The following HFM1 variants were observed in gnomAD, a reference collection of about 807,000 sequenced individuals.
HFM1 encodes the protein probable ATP-dependent DNA helicase HFM1.
A neutral mutation model predicts 192.1 loss-of-function variants in HFM1; 169 were observed. That is an observed-to-expected ratio of 0.88 (90% confidence interval 0.78 to 1.00). The LOEUF is 1.00. Ranked by LOEUF, HFM1 falls within the 50% of genes least tolerant of loss-of-function variation. HFM1 has a pLI of 0.00. For missense variants in HFM1, 1,661 were observed against 1,668.0 expected, an observed-to-expected ratio of 1.00 and a Z score of 0.07; for synonymous variants, 525 against 537.8, an observed-to-expected ratio of 0.98 and a Z score of 0.33.
chr1:91,305,342 T>G (rs72726281), intron 30 of HFM1, among the ~76,000 whole-genome samples: 2,645 of 152,292 alleles, frequency 0.017, 25 homozygotes, highest in Non-Finnish European at 0.025. Context: ...TTTAATTTAT[T>G]TCAATGGTGT....
chr1:91,352,430 T>A, intron 16 of HFM1, 76 bp downstream of exon 16: 1 of 1,095,204 alleles, frequency 9.1e-7, no homozygotes, highest in Admixed American at 2.4e-5. Context: ...AATTATGACA[T>A]GCTAATCAAA....
In HFM1 at chr1:91,277,059, G is replaced by T; in HGVS notation, c.3395C>A (p.Thr1132Lys). 6.4e-7 allele frequency: 1 copy of T among 1,570,930 alleles called. No homozygotes were observed. Among genetic ancestry groups the T allele is most frequent in the Non-Finnish European group, 8.7e-7 (1 of 1,151,160 alleles). The change falls in exon 31 of 39, where the codon ACG becomes AAG. Residue 1132 changes from threonine to lysine, a missense_variant. Thr to Lys is a moderately conservative substitution (Grantham distance 78). Coordinates refer to ENST00000370425, the MANE Select transcript of HFM1 (RefSeq NM_001017975.6). ...ISTIAGPNKGTTASKKPGNRE... is the reference protein window; with the variant it reads ...ISTIAGPNKGKTASKKPGNRE... ...GTTCCCAGGTTTTTTGCTGGCAGTC[G>T]TTCCTAAATTAATATAAGAAAAACA...
chr1:91,329,792 G>T (rs1207790326), intron 20 of HFM1, among the ~76,000 whole-genome samples: 4 of 152,188 alleles, frequency 2.6e-5, no homozygotes, highest in African/African-American at 9.6e-5. Context: ...ATTGTTACAT[G>T]AAAGTGATAG....
At chr1:91,352,793 A>G (rs1657132981) in intron 15 of HFM1, 142 bp from the exon 16 acceptor site, 1 of 673,310 alleles carries the variant, frequency 1.5e-6, no homozygotes, top group African/African-American at 1.9e-5. Context: ...ATTACAATCT[A>G]AAATAGTAAC....
upstream of HFM1, among the ~76,000 whole-genome samples, chr1:91,407,757 A>G (rs1571268695): frequency 2.0e-5 from 3 of 152,320 alleles, no homozygotes; most frequent in Admixed American, 2.0e-4. Flanking sequence ...CCTGCTTTCA[A>G]TTCCTTTGGA....
At chr1:91,273,862 T>C in intron 33 of HFM1, 47 bp from the exon 34 acceptor site, 1 of 1,013,932 alleles carries the variant, frequency 9.9e-7, no homozygotes, top group Non-Finnish European at 1.5e-6. Context: ...ATATGGAAAT[T>C]AATCTAAGCC....
In HFM1 at chr1:91,264,522, G is replaced by A. The variant is rs566005209; in HGVS notation, c.3974+1495C>T. On this transcript the variant is annotated intron_variant, in intron 36 of 38. Coordinates refer to ENST00000370425, the MANE Select transcript of HFM1 (RefSeq NM_001017975.6). ...CGAGTAGCTGGGACTACAGGCGCCC[G>A]CCATCACGCCCGGCTAATTTTTTTG... 9.0e-3 allele frequency among the ~76,000 whole-genome samples: 1,331 copies of A among 148,558 alleles called. 12 individuals carry two copies. Among genetic ancestry groups the A allele is most frequent in the Non-Finnish European group, 0.013 (885 of 67,224 alleles).
At position 91,277,001 on chromosome 1, in the gene HFM1, A is replaced by T. The variant is rs150703340; in HGVS notation, c.3453T>A (p.His1151Gln). ...ACTCACAGCAGTCATGTCCACATGTATGTTTACTTTTACAAAGATGATTGC... is the reference window on the plus strand; with the variant it reads ...ACTCACAGCAGTCATGTCCACATGTTTGTTTACTTTTACAAAGATGATTGC... ...RECNHLCKSK[H>Q]TCGHDCCKIG... Residue 1151 changes from histidine (H) to glutamine (Q), a missense_variant, in exon 31 of 39, where the codon CAT becomes CAA. By Grantham distance (24) the His-to-Gln change is conservative. Coordinates refer to ENST00000370425, the MANE Select transcript of HFM1 (RefSeq NM_001017975.6). 7.0e-5 allele frequency: 111 copies of T among 1,595,346 alleles called. No individual in the cohort carries two copies. Among genetic ancestry groups the T allele is most frequent in the Middle Eastern group, 6.7e-4 (4 of 5,998 alleles).
intron 6 of HFM1, among the ~76,000 whole-genome samples, chr1:91,382,379 C>G (rs1478294263): frequency 6.6e-6 from 1 of 152,058 alleles, no homozygotes; most frequent in African/African-American, 2.4e-5. Flanking sequence ...GCTTCCTCCC[C>G]ACCCTCATCC....
chr1:91,361,677 G>A (rs1224849155), intron 13 of HFM1, among the ~76,000 whole-genome samples: 2 of 152,136 alleles, frequency 1.3e-5, no homozygotes, highest in Non-Finnish European at 2.9e-5. Context: ...GACTGAAAAG[G>A]AGGGACTCCT....
At chr1:91,291,298 C>A (rs1024104037) in intron 30 of HFM1, among the ~76,000 whole-genome samples, 1 of 152,002 alleles carries the variant, frequency 6.6e-6, no homozygotes, top group African/African-American at 2.4e-5. Flanking sequence ...AATTGATAGA[C>A]CGCTAGCAAG....
chr1:91,291,174 T>C (rs977083500), intron 30 of HFM1, among the ~76,000 whole-genome samples: 1 of 152,132 alleles, frequency 6.6e-6, no homozygotes, highest in African/African-American at 2.4e-5. Context: ...ATTCAAAAGC[T>C]AGCAGAAGTC....
chr1:91,394,979 T>C (rs1174633124), intron 3 of HFM1, among the ~76,000 whole-genome samples: 1 of 151,950 alleles, frequency 6.6e-6, no homozygotes, highest in Non-Finnish European at 1.5e-5. Flanking sequence ...CTTTAGCATC[T>C]ATGTATCTAC....
chr1:91,314,731 T>C (rs1444593312), intron 28 of HFM1, among the ~76,000 whole-genome samples: 1 of 152,166 alleles, frequency 6.6e-6, no homozygotes, highest in African/African-American at 2.4e-5. Flanking sequence ...TATAAAATGG[T>C]TTGTATCTAA....
intron 20 of HFM1, among the ~76,000 whole-genome samples, chr1:91,330,083 T>C (rs1653588162): frequency 6.6e-6 from 1 of 152,076 alleles, no homozygotes; most frequent in South Asian, 2.1e-4. Context: ...GTGTCTTGGG[T>C]GGGCAGACAC....
At chr1:91,356,892 A>C (rs1657818775) in intron 13 of HFM1, among the ~76,000 whole-genome samples, 1 of 152,186 alleles carries the variant, frequency 6.6e-6, no homozygotes, top group Non-Finnish European at 1.5e-5. Flanking sequence ...ACAACCTGCT[A>C]AGTTTGAATC....
At chr1:91,385,437 T>C in intron 5 of HFM1, 138 bp downstream of exon 5, 2 of 752,026 alleles carry the variant, frequency 2.7e-6, no homozygotes, top group South Asian at 2.0e-5. Flanking sequence ...TAGAAAATAA[T>C]GCAATATAAT....
Position 91,323,105 on chromosome 1 carries a change from C to T in HFM1, c.2522G>A (p.Arg841Gln), listed in dbSNP as rs769258836. The T allele has an allele frequency of 1.2e-5, 18 of 1,543,346 alleles. No homozygotes were observed. In the South Asian group the frequency reaches 1.7e-4, roughly 14 times the overall value. Residue 841 changes from arginine (R) to glutamine (Q), a missense_variant, in exon 22 of 39, where the codon CGG becomes CAG. By Grantham distance (43) the Arg-to-Gln change is conservative (BLOSUM62 1). Coordinates refer to ENST00000370425, the MANE Select transcript of HFM1 (RefSeq NM_001017975.6). ...TLNTLNKDPN[R>Q]ITIRFPMEGR... The stretch of plus-strand genomic sequence containing the variant: ...GTAATTTCTGTACCTGATAGTTATC[C>T]GATTTGGATCTTTGTTCAAAGTATT...
chr1:91,319,581 A>G (rs1452980602), intron 23 of HFM1, among the ~76,000 whole-genome samples, 191 bp from the exon 24 acceptor site: 1 of 151,968 alleles, frequency 6.6e-6, no homozygotes, highest in Admixed American at 6.6e-5. Context: ...CCAAATCCTC[A>G]AAGTTGTCTT....
Sources: allele counts gnomAD v4.1 joint callset (sites outside exome capture counted in the v4.1 genomes callset), GRCh38; gene constraint gnomAD v4.1.1; transcripts MANE v1.5; gene names NCBI Gene and HGNC (gene_info 2026-07-23, HGNC 2026-07-21).